The following MALRD1 variants were observed in gnomAD, a reference collection of about 807,000 sequenced individuals.
MALRD1 encodes MAM and LDL-receptor class A domain-containing protein 1.
Under a neutral mutation model 242.1 loss-of-function variants are expected in MALRD1, and 247 were observed. The ratio of observed to expected loss-of-function variants is 1.02; its 90% CI spans 0.92 to 1.13. The LOEUF (loss-of-function observed/expected upper bound fraction) is 1.13, where lower values mean the gene tolerates loss of function less well. Ranked by LOEUF, MALRD1 falls within the 50% of genes most tolerant of loss-of-function variation. The probability of loss-of-function intolerance (pLI) is 0.00; values close to 1 mark genes in which losing one functional copy is unlikely to be tolerated. For missense variants in MALRD1, 2,989 were observed against 2,533.1 expected (o/e 1.18, Z -3.86); for synonymous variants, 995 against 866.6 (o/e 1.15, Z -2.60).
At chr10:19,592,098 A>G (rs985810336) in intron 33 of MALRD1, among the ~76,000 whole-genome samples, 2 of 152,172 alleles carry the variant, frequency 1.3e-5, no homozygotes, top group African/African-American at 4.8e-5. Context: ...GGCAATTCAG[A>G]GGAGATTTAA....
intron 38 of MALRD1, among the ~76,000 whole-genome samples, chr10:19,729,592 CGTGTGT>C (rs113756414): frequency 5.5e-5 from 8 of 144,314 alleles, no homozygotes; most frequent in African/African-American, 1.5e-4. Context: ...AGGATCCTTT[CGTGTGT>C]GTGTGTGTGT....
chr10:19,275,891 T>C (rs11009242), intron 19 of MALRD1, among the ~76,000 whole-genome samples: 7,937 of 152,220 alleles, frequency 0.052, 293 homozygotes, highest in Middle Eastern at 0.075. Context: ...TATACAGCAA[T>C]GTGAAGAATA....
chr10:19,101,572 T>G (rs1309622282), intron 4 of MALRD1, among the ~76,000 whole-genome samples: 1 of 136,232 alleles, frequency 7.3e-6, no homozygotes, highest in Non-Finnish European at 1.5e-5. Context: ...GTATATTGTA[T>G]TATATATAAT....
intron 19 of MALRD1, among the ~76,000 whole-genome samples, chr10:19,267,680 C>G (rs1840026261): frequency 6.6e-6 from 1 of 152,070 alleles, no homozygotes; most frequent in South Asian, 2.1e-4. Flanking sequence ...TTATACTTGT[C>G]TCAGAATAAT....
At chr10:19,366,530 T>C (rs894695480) in intron 26 of MALRD1, among the ~76,000 whole-genome samples, 3 of 152,134 alleles carry the variant, frequency 2.0e-5, no homozygotes, top group African/African-American at 7.2e-5. Flanking sequence ...TGGAGACCCC[T>C]TTTCTAGCAT....
At chr10:19,062,038 A>G (rs1294627233) in intron 1 of MALRD1, among the ~76,000 whole-genome samples, 6 of 152,016 alleles carry the variant, frequency 3.9e-5, no homozygotes, top group Non-Finnish European at 5.9e-5. Flanking sequence ...TAAAAGATTG[A>G]TATCAGAATG....
At chr10:19,380,180 G>A (rs969688665) in intron 26 of MALRD1, among the ~76,000 whole-genome samples, 13 of 151,284 alleles carry the variant, frequency 8.6e-5, no homozygotes, top group Non-Finnish European at 5.9e-5. Flanking sequence ...TCACCATGTT[G>A]GCCAGGCTCG....
chr10:19,271,123 G>A (rs10827187), intron 19 of MALRD1, among the ~76,000 whole-genome samples: 10,810 of 152,010 alleles, frequency 0.071, 440 homozygotes, highest in East Asian at 0.17. Context: ...AAGCAATTCC[G>A]TTTCTAGATA....
intron 26 of MALRD1, among the ~76,000 whole-genome samples, chr10:19,372,419 T>C (rs1845416814): frequency 6.6e-6 from 1 of 151,968 alleles, no homozygotes; most frequent in South Asian, 2.1e-4. Context: ...TTATCCAAAG[T>C]GTACCATAGA....
At chr10:19,371,107 A>G (rs902570275) in intron 26 of MALRD1, among the ~76,000 whole-genome samples, 1 of 150,350 alleles carries the variant, frequency 6.7e-6, no homozygotes, top group East Asian at 2.0e-4. Context: ...AAAAAAAAAA[A>G]AAAGAAAAAG....
chr10:19,560,866 G>T (rs1456817684), intron 32 of MALRD1, among the ~76,000 whole-genome samples: 1 of 151,922 alleles, frequency 6.6e-6, no homozygotes, highest in African/African-American at 2.4e-5. Flanking sequence ...GTAGATAACG[G>T]GTTGATGGGT....
chr10:19,427,232 T>C (rs899284713), intron 28 of MALRD1, among the ~76,000 whole-genome samples: 99 of 152,316 alleles, frequency 6.5e-4, no homozygotes, highest in African/African-American at 2.4e-3. Context: ...ATTAATCCAC[T>C]ATTCATGGGC....
At chr10:19,232,351 T>C (rs975270892) in intron 18 of MALRD1, among the ~76,000 whole-genome samples, 1 of 151,672 alleles carries the variant, frequency 6.6e-6, no homozygotes, top group Admixed American at 6.6e-5. Flanking sequence ...ATTTTTTTTT[T>C]TTTTTTAGTA....
intron 26 of MALRD1, among the ~76,000 whole-genome samples, chr10:19,362,486 T>C (rs547239810): frequency 6.6e-5 from 10 of 152,086 alleles, no homozygotes; most frequent in African/African-American, 1.9e-4. Flanking sequence ...GAAGGAGATA[T>C]GGAAATTAGC....
At chr10:19,242,019 T>G (rs2131747355) in intron 18 of MALRD1, among the ~76,000 whole-genome samples, 1 of 152,278 alleles carries the variant, frequency 6.6e-6, no homozygotes, top group Non-Finnish European at 1.5e-5. Context: ...TTGAGAATAA[T>G]TTGTATTCTG....
At chr10:19,505,419 A>G (rs1833076702) in intron 31 of MALRD1, among the ~76,000 whole-genome samples, 2 of 152,174 alleles carry the variant, frequency 1.3e-5, no homozygotes, top group African/African-American at 4.8e-5. Context: ...GAGAAACACC[A>G]GGAATCTTCA....
rs3071775 is a variant in MALRD1, at chr10:19,670,066, G to GCACA, written c.6138-22193_6138-22190dup. Among the ~76,000 whole-genome samples the GCACA allele has an allele frequency of 6.6e-3, 979 of 148,342 alleles. 4 individuals are homozygous for GCACA. The highest frequency in any genetic ancestry group is 0.014 in the Middle Eastern group (4 of 294). Reference sequence around the variant, plus strand: ...TATAATGCCCTCTTCCCTCGCACGTGCACACACACACACACACACACACAC... The same window carrying GCACA: ...TATAATGCCCTCTTCCCTCGCACGTGCACACACACACACACACACACACACACAC... On this transcript the variant is annotated intron_variant, in intron 36 of 39. Coordinates refer to ENST00000454679, the MANE Select transcript of MALRD1 (RefSeq NM_001142308.3).
chr10:19,608,035 G>A (rs1315885322), intron 35 of MALRD1, 133 bp downstream of exon 35: 5 of 1,239,910 alleles, frequency 4.0e-6, no homozygotes, highest in African/African-American at 3.0e-5. Context: ...CTTGGTTTGG[G>A]GGCAGAAAGA....
intron 14 of MALRD1, among the ~76,000 whole-genome samples, chr10:19,175,620 A>G (rs7087763): frequency 0.19 from 28,900 of 151,390 alleles, 3,023 homozygotes; most frequent in Admixed American, 0.27. Context: ...ATTATCTTGC[A>G]TATTTTAAAT....
Sources: gnomAD v4.1 joint callset for allele counts (sites outside exome capture counted in the v4.1 genomes callset) on GRCh38, gnomAD v4.1.1 for gene constraint, MANE v1.5 for transcripts, NCBI Gene and HGNC (gene_info 2026-07-23, HGNC 2026-07-21) for gene names.